SAMD12: variants seen among roughly 807,000 people sequenced by gnomAD.
The protein encoded by SAMD12 is sterile alpha motif domain-containing protein 12.
SAMD12 carries 9 observed loss-of-function variants against 15.0 expected under a neutral mutation model. The observed-to-expected ratio is 0.60, with a 90% CI of 0.36 to 1.05. The LOEUF is 1.05. SAMD12 is among the 50% of genes least tolerant of loss of function. The pLI, the probability that SAMD12 is intolerant of heterozygous loss-of-function variation, is 0.01. For missense variants in SAMD12, 230 were observed against 234.2 expected (o/e 0.98, Z 0.12); for synonymous variants, 86 against 90.1 (o/e 0.96, Z 0.25).
intron 4 of SAMD12, among the ~76,000 whole-genome samples, chr8:118,215,977 C>G (rs1467739857): frequency 6.6e-6 from 1 of 150,586 alleles, no homozygotes; most frequent in Non-Finnish European, 1.5e-5. Context: ...TGGGTATATA[C>G]CCAGTAATGG....
chr8:118,138,946 C>G, the SAMD12 span, among the ~76,000 whole-genome samples: 1 of 152,188 alleles, frequency 6.6e-6, no homozygotes, highest in African/African-American at 2.4e-5. Context: ...CTCTTCCCTT[C>G]CACTTTCCAA....
At position 118,512,039 on chromosome 8, in the gene SAMD12, A is replaced by C. The variant is rs537439968; in HGVS notation, c.192+68676T>G. On this transcript the variant is annotated intron_variant, in intron 2 of 3. Coordinates refer to ENST00000314727, the MANE Select transcript of SAMD12 (RefSeq NM_207506.3). ...AAGAAAGGAAACTGGAGCACTATAA[A>C]GAACATTTTTTTTTTCACCTTTCAA... Among the ~76,000 whole-genome samples the C allele has an allele frequency of 2.1e-5, 3 of 144,700 alleles. No homozygotes were observed. In the South Asian group the frequency reaches 7.6e-4, roughly 37 times the overall value. 94.9% of individuals were successfully genotyped at this position (144,700 alleles called of 152,430 possible).
intron 2 of SAMD12, among the ~76,000 whole-genome samples, chr8:118,524,843 C>T (rs1380678828): frequency 9.2e-5 from 14 of 152,210 alleles, no homozygotes. Context: ...CCACCTCCTA[C>T]ACTGCCATAC....
At chr8:118,542,143 T>C (rs955936383) in intron 2 of SAMD12, among the ~76,000 whole-genome samples, 1 of 152,166 alleles carries the variant, frequency 6.6e-6, no homozygotes, top group African/African-American at 2.4e-5. Context: ...ATTAAGCCAG[T>C]GAGAAATAGG....
At chr8:118,537,795 T>C (rs146372636) in intron 2 of SAMD12, among the ~76,000 whole-genome samples, 1 of 152,354 alleles carries the variant, frequency 6.6e-6, no homozygotes, top group Non-Finnish European at 1.5e-5. Context: ...TTCTCCAGGA[T>C]TGGTCCCTGG....
chr8:118,457,773 A>G (rs1299491504), intron 2 of SAMD12, among the ~76,000 whole-genome samples: 1 of 152,214 alleles, frequency 6.6e-6, no homozygotes, highest in African/African-American at 2.4e-5. Context: ...AAATGTCAGC[A>G]TCCATGCTGA....
At chr8:118,371,867 G>A (rs973494278) in intron 4 of SAMD12, among the ~76,000 whole-genome samples, 4 of 152,128 alleles carry the variant, frequency 2.6e-5, no homozygotes, top group Admixed American at 2.6e-4. Context: ...CAATATTTGG[G>A]ACGTGGCAGA....
chr8:118,200,932 A>G (rs1706356194), intron 4 of SAMD12, among the ~76,000 whole-genome samples: 1 of 152,058 alleles, frequency 6.6e-6, no homozygotes, highest in African/African-American at 2.4e-5. Context: ...TGATCCCCTC[A>G]CTTCTCAGCC....
At chr8:118,313,761 A>G (rs182799405) in intron 4 of SAMD12, among the ~76,000 whole-genome samples, 318 of 152,178 alleles carry the variant, frequency 2.1e-3, no homozygotes, top group South Asian at 0.013. Flanking sequence ...TAAGTCTGAA[A>G]TATTTACCCT....
intron 1 of SAMD12, among the ~76,000 whole-genome samples, chr8:118,603,642 A>G (rs1156685478): frequency 6.6e-6 from 1 of 152,230 alleles, no homozygotes; most frequent in Non-Finnish European, 1.5e-5. Context: ...AACCAAGGTG[A>G]AAACAAAGAA....
At chr8:118,186,874 T>C (rs908128625), downstream of SAMD12, among the ~76,000 whole-genome samples, 3 of 152,036 alleles carry the variant, frequency 2.0e-5, no homozygotes, top group African/African-American at 7.2e-5. Context: ...TGGAGGATAA[T>C]GAGGGTAGCA....
intron 4 of SAMD12, among the ~76,000 whole-genome samples, chr8:118,200,562 A>G (rs1356374054): frequency 6.6e-6 from 1 of 152,136 alleles, no homozygotes; most frequent in Non-Finnish European, 1.5e-5. Context: ...GGTGGCCATA[A>G]TGAGTGGGGC....
chr8:118,165,620 A>G, the SAMD12 span, among the ~76,000 whole-genome samples: 3 of 132,334 alleles, frequency 2.3e-5, no homozygotes, highest in Admixed American at 7.9e-5. Flanking sequence ...ATATGTATAT[A>G]TATATATATA....
Position 118,593,116 on chromosome 8 carries a change from G to A in SAMD12, c.14-12223C>T, listed in dbSNP as rs531639656. On this transcript the variant is annotated intron_variant, in intron 1 of 3. Coordinates refer to ENST00000314727, the MANE Select transcript of SAMD12 (RefSeq NM_207506.3). ...CTTGTTGCACTTGATCTTCACAAAT[G>A]TCTATATATGCATGTGTATATGTGC... Among the ~76,000 whole-genome samples the A allele has an allele frequency of 4.6e-5, 7 of 152,116 alleles. 1 individual carries two copies. The highest frequency in any genetic ancestry group is 1.4e-4 in the African/African-American group (6 of 41,504).
intron 4 of SAMD12, among the ~76,000 whole-genome samples, chr8:118,199,973 C>T (rs1028052940): frequency 2.6e-5 from 4 of 152,088 alleles, no homozygotes; most frequent in Non-Finnish European, 5.9e-5. Flanking sequence ...GGGGAGAACC[C>T]GGTGGGAGAT....
chr8:118,549,796 T>C (rs1826264199), intron 2 of SAMD12, among the ~76,000 whole-genome samples: 3 of 152,148 alleles, frequency 2.0e-5, no homozygotes, highest in Admixed American at 1.3e-4. Flanking sequence ...TTTAGACGAA[T>C]GTATAACTAG....
chr8:118,472,427 C>T (rs750042219), intron 2 of SAMD12, among the ~76,000 whole-genome samples: 3 of 152,134 alleles, frequency 2.0e-5, no homozygotes, highest in Non-Finnish European at 4.4e-5. Context: ...TGGCTCATGC[C>T]TCTAAACCCT....
chr8:118,316,730 G>C (rs1815926989), intron 4 of SAMD12, among the ~76,000 whole-genome samples: 1 of 151,606 alleles, frequency 6.6e-6, no homozygotes, highest in Non-Finnish European at 1.5e-5. Context: ...AATGAATTGT[G>C]TCCACTCCCC....
intron 2 of SAMD12, among the ~76,000 whole-genome samples, chr8:118,487,967 C>T (rs183109483): frequency 1.1e-4 from 16 of 152,064 alleles, no homozygotes; most frequent in Non-Finnish European, 1.9e-4. Flanking sequence ...CCCACAACAG[C>T]GACATATTCA....
Sources: allele counts gnomAD v4.1 joint callset (sites outside exome capture counted in the v4.1 genomes callset), GRCh38; gene constraint gnomAD v4.1.1; transcripts MANE v1.5; gene names NCBI Gene and HGNC (gene_info 2026-07-23, HGNC 2026-07-21).